Variants in RYR2 observed in about 807,000 individuals in gnomAD.
RYR2 encodes ryanodine receptor 2, also known as cardiac muscle ryanodine receptor-calcium release channel.
In RYR2, 227 loss-of-function variants were observed where a neutral mutation model predicts 601.1. The observed-to-expected ratio is 0.38, with a 90% CI of 0.34 to 0.42. The LOEUF is 0.42. Among genes scored for constraint, RYR2 ranks in the 10% least tolerant of loss-of-function variants. The probability of loss-of-function intolerance (pLI) is 1.00; values close to 1 mark genes in which losing one functional copy is unlikely to be tolerated. For synonymous variants in RYR2, 2,223 were observed against 2,175.1 expected, an observed-to-expected ratio of 1.02 and a Z score of -0.61; for missense variants, 4,646 against 6,156.5, an observed-to-expected ratio of 0.75 and a Z score of 8.21.
chr1:237,516,462 C>G (rs1666558532), intron 24 of RYR2, among the ~76,000 whole-genome samples: 1 of 152,074 alleles, frequency 6.6e-6, no homozygotes, highest in South Asian at 2.1e-4. Context: ...ATGTTCAGTC[C>G]TGGGCCATTT....
chr1:237,143,543 GC>G (rs1673620142), intron 1 of RYR2, among the ~76,000 whole-genome samples: 3 of 152,152 alleles, frequency 2.0e-5, no homozygotes, highest in Admixed American at 2.0e-4. Flanking sequence ...AAGCATGAAA[GC>G]CCAGTTCACG....
chr1:237,820,144 AC>A (rs1662289524), intron 101 of RYR2, among the ~76,000 whole-genome samples: 1 of 141,662 alleles, frequency 7.1e-6, no homozygotes, highest in African/African-American at 2.7e-5. Context: ...CAGAGATTGC[AC>A]CATTGCACTC....
rs1370012835 is a variant in RYR2 at position 237,706,989 on chromosome 1, C to T, written c.9621C>T (p.Asn3207=). The T allele has an allele frequency of 3.1e-6, 5 of 1,613,726 alleles. No homozygotes were observed. Among genetic ancestry groups the T allele is most frequent in the Non-Finnish European group, 2.5e-6 (3 of 1,179,782 alleles). The change falls in exon 68 of 105, where the codon AAC becomes AAT. Residue 3207 remains asparagine (N), a synonymous_variant. Transcript: ENST00000366574. ...CTAATGTGGAAGATGTTTGTCCAAA[C>T]ATACCGTCTTTGGAGAAACTCATGG... is the stretch of plus-strand genomic sequence containing the variant. The part of the protein sequence containing the change: ...LPTNVEDVCP[N]IPSLEKLMEE...
intron 37 of RYR2, among the ~76,000 whole-genome samples, chr1:237,615,821 T>G (rs1202560703): frequency 6.6e-6 from 1 of 152,162 alleles, no homozygotes; most frequent in Non-Finnish European, 1.5e-5. Context: ...AGAAAGAACA[T>G]TTAGACTGGA....
intron 1 of RYR2, among the ~76,000 whole-genome samples, chr1:237,054,764 T>C (rs891138133): frequency 2.6e-5 from 4 of 152,190 alleles, no homozygotes; most frequent in African/African-American, 9.7e-5. Flanking sequence ...AAAGTTACCT[T>C]CAACACCACT....
At chr1:237,334,633 G>C (rs1004940065) in intron 3 of RYR2, among the ~76,000 whole-genome samples, 4 of 152,100 alleles carry the variant, frequency 2.6e-5, no homozygotes, top group Non-Finnish European at 4.4e-5. Flanking sequence ...GCAACGAGAA[G>C]GAGAAGGTGT....
chr1:237,402,895 CTT>C (rs1703510015), intron 10 of RYR2, among the ~76,000 whole-genome samples: 1 of 149,038 alleles, frequency 6.7e-6, no homozygotes, highest in Non-Finnish European at 1.5e-5. Flanking sequence ...CATCCCCCTG[CTT>C]CAGCCTCCTG....
At chr1:237,441,726 A>C (rs892783812) in intron 13 of RYR2, among the ~76,000 whole-genome samples, 1 of 152,172 alleles carries the variant, frequency 6.6e-6, no homozygotes, top group African/African-American at 2.4e-5. Flanking sequence ...AGAAATATAC[A>C]GTGCCGTCTT....
At chr1:237,351,452 T>C (rs1317680931) in intron 3 of RYR2, among the ~76,000 whole-genome samples, 1 of 151,830 alleles carries the variant, frequency 6.6e-6, no homozygotes, top group Admixed American at 6.6e-5. Flanking sequence ...TTGGAAAGAC[T>C]GAATACGAAA....
chr1:237,571,620 C>T (rs1672713613), intron 29 of RYR2, among the ~76,000 whole-genome samples: 1 of 152,104 alleles, frequency 6.6e-6, no homozygotes, highest in African/African-American at 2.4e-5. Context: ...AGGCCTATTT[C>T]TAATAGTCTA....
chr1:237,538,884 G>A (rs551190682), intron 25 of RYR2, among the ~76,000 whole-genome samples: 42 of 152,318 alleles, frequency 2.8e-4, no homozygotes, highest in African/African-American at 8.9e-4. Context: ...GAGAGAGGTG[G>A]TGATTGAGAG....
intron 10 of RYR2, among the ~76,000 whole-genome samples, chr1:237,391,734 A>G (rs1702402058): frequency 6.6e-6 from 1 of 152,124 alleles, no homozygotes; most frequent in Admixed American, 6.6e-5. Context: ...TCCTCTTCAC[A>G]TTTAGATATG....
intron 3 of RYR2, among the ~76,000 whole-genome samples, chr1:237,342,946 C>T (rs184073444): frequency 1.1e-4 from 17 of 152,270 alleles, no homozygotes; most frequent in Admixed American, 2.0e-4. Context: ...CTGTGGCCCA[C>T]GCCTGTAATG....
At chr1:237,744,378 A>G (rs1315635437) in intron 80 of RYR2, among the ~76,000 whole-genome samples, 1 of 147,336 alleles carries the variant, frequency 6.8e-6, no homozygotes, top group Non-Finnish European at 1.5e-5. Context: ...TTAGGTGGCC[A>G]GGTGCAGAGG....
At chr1:237,824,384 A>T (rs1318908375) in intron 101 of RYR2, among the ~76,000 whole-genome samples, 1 of 152,244 alleles carries the variant, frequency 6.6e-6, no homozygotes, top group Non-Finnish European at 1.5e-5. Flanking sequence ...TACGCAAATC[A>T]ATAAATGTAA....
intron 14 of RYR2, among the ~76,000 whole-genome samples, chr1:237,449,188 CTGAG>C (rs1484719011): frequency 2.6e-5 from 4 of 152,030 alleles, no homozygotes; most frequent in South Asian, 2.1e-4. Context: ...TTTGGATTAG[CTGAG>C]TATTTTCTAT....
chr1:237,257,802 C>G (rs554690141), intron 1 of RYR2, among the ~76,000 whole-genome samples: 1 of 152,120 alleles, frequency 6.6e-6, no homozygotes, highest in East Asian at 1.9e-4. Flanking sequence ...AAGGTAAGAC[C>G]TTAAAAATGG....
intron 1 of RYR2, among the ~76,000 whole-genome samples, chr1:237,121,363 TCTTC>T (rs1670758045): frequency 6.6e-6 from 1 of 152,146 alleles, no homozygotes; most frequent in South Asian, 2.1e-4. Flanking sequence ...TCCAAAAAAT[TCTTC>T]CATTCAGATA....
At position 237,350,828 on chromosome 1, in the gene RYR2, A is replaced by C. The variant is rs186670111; in HGVS notation, c.274-5137A>C. Among the ~76,000 whole-genome samples, 2 of 151,882 alleles carry C rather than the reference A, an allele frequency of 1.3e-5. 1 individual carries two copies. Among genetic ancestry groups the C allele is most frequent in the East Asian group, 3.9e-4 (2 of 5,180 alleles). ...ATCAGGAGATCTCAATCAACAATCA[A>C]TGTATAAGACCATCCTTCTCACAGT... On this transcript the variant is annotated intron_variant, in intron 3 of 104. Transcript: ENST00000366574.
Sources: allele counts gnomAD v4.1 joint callset (sites outside exome capture counted in the v4.1 genomes callset), GRCh38; gene constraint gnomAD v4.1.1; transcripts MANE v1.5; gene names NCBI Gene and HGNC (gene_info 2026-07-23, HGNC 2026-07-21).